ROR1: variants seen among roughly 807,000 people sequenced by gnomAD.
The protein encoded by ROR1 is inactive tyrosine-protein kinase transmembrane receptor ROR1.
Under a neutral mutation model 78.8 loss-of-function variants are expected in ROR1, and 19 were observed. The observed-to-expected ratio is 0.24, with a 90% CI of 0.17 to 0.35. The LOEUF (loss-of-function observed/expected upper bound fraction) is 0.35. Ranked by LOEUF, ROR1 falls within the 10% of genes least tolerant of loss-of-function variation. The pLI is 1.00. For missense variants in ROR1, 917 were observed against 1,177.8 expected (o/e 0.78, Z 3.24); for synonymous variants, 386 against 433.6 (o/e 0.89, Z 1.36).
chr1:64,125,664 A>G (rs566110745), intron 4 of ROR1, among the ~76,000 whole-genome samples: 1 of 152,240 alleles, frequency 6.6e-6, no homozygotes, highest in South Asian at 2.1e-4. Flanking sequence ...CCCGAAACTA[A>G]AAGACTAAAG....
intron 1 of ROR1, among the ~76,000 whole-genome samples, chr1:63,920,656 C>T (rs1248914267): frequency 6.6e-6 from 1 of 152,206 alleles, no homozygotes; most frequent in Non-Finnish European, 1.5e-5. Flanking sequence ...ACATAGTTTA[C>T]ATACCAACAC....
intron 1 of ROR1, among the ~76,000 whole-genome samples, chr1:63,993,142 A>C (rs1357041711): frequency 6.6e-6 from 1 of 152,104 alleles, no homozygotes; most frequent in Non-Finnish European, 1.5e-5. Flanking sequence ...CTACATTTCT[A>C]ATGTCTACTC....
chr1:64,102,787 A>C (rs1054301657), intron 4 of ROR1, among the ~76,000 whole-genome samples: 4 of 152,172 alleles, frequency 2.6e-5, no homozygotes, highest in Admixed American at 2.6e-4. Flanking sequence ...TAACCTTGAC[A>C]CTTGAACCTG....
intron 7 of ROR1, among the ~76,000 whole-genome samples, chr1:64,154,061 C>G (rs1649702858): frequency 6.6e-6 from 1 of 152,168 alleles, no homozygotes; most frequent in African/African-American, 2.4e-5. Flanking sequence ...GTTGCTCTCC[C>G]TAACTTATTG....
At chr1:63,958,328 A>C (rs908186043) in intron 1 of ROR1, among the ~76,000 whole-genome samples, 2 of 152,144 alleles carry the variant, frequency 1.3e-5, no homozygotes, top group East Asian at 3.9e-4. Flanking sequence ...GATACTCTCC[A>C]TGCCTCCTGT....
At chr1:63,969,929 T>G (rs1287331467) in intron 1 of ROR1, among the ~76,000 whole-genome samples, 1 of 152,152 alleles carries the variant, frequency 6.6e-6, no homozygotes. Flanking sequence ...TTCTCCAGTC[T>G]AATTACCTGC....
At chr1:63,880,302 A>C (rs554173518) in intron 1 of ROR1, among the ~76,000 whole-genome samples, 5 of 152,328 alleles carry the variant, frequency 3.3e-5, no homozygotes, top group African/African-American at 9.6e-5. Flanking sequence ...CCCTTTACTC[A>C]GAGCAAAATC....
intron 1 of ROR1, among the ~76,000 whole-genome samples, chr1:63,931,204 C>A (rs1645750014): frequency 6.6e-6 from 1 of 152,200 alleles, no homozygotes; most frequent in African/African-American, 2.4e-5. Context: ...ATCACTTGAA[C>A]CTGGGAGGCG....
chr1:63,993,424 C>T (rs1055251703), intron 1 of ROR1, among the ~76,000 whole-genome samples: 2 of 152,136 alleles, frequency 1.3e-5, no homozygotes, highest in Admixed American at 1.3e-4. Flanking sequence ...GACTTGAAAC[C>T]ACCAGTTCCC....
At chr1:63,897,516 C>T (rs1461445259) in intron 1 of ROR1, among the ~76,000 whole-genome samples, 1 of 152,120 alleles carries the variant, frequency 6.6e-6, no homozygotes, top group Admixed American at 6.5e-5. Flanking sequence ...CTGTTTTCCA[C>T]ATAAAGTTTC....
intron 1 of ROR1, chr1:63,843,220 C>T: frequency 6.7e-7 from 1 of 1,497,764 alleles, no homozygotes; most frequent in Non-Finnish European, 9.3e-7. Context: ...AGGGAGATGA[C>T]CGCACTGCCC....
In ROR1 at chr1:63,963,438, G is replaced by A. The variant is rs142427627; in HGVS notation, c.92-45867G>A. ...ACAAAAATTAGCCAGGCATGGTGGT[G>A]CACACCTGTAATCCCAGCTACTTGG... On this transcript the variant is annotated intron_variant, in intron 1 of 8. Coordinates refer to ENST00000371079, the MANE Select transcript of ROR1 (RefSeq NM_005012.4). Among the ~76,000 whole-genome samples, 433 of 151,990 alleles carry A rather than the reference G, an allele frequency of 2.8e-3. 2 individuals carry two copies. Among genetic ancestry groups the A allele is most frequent in the African/African-American group, 0.01 (420 of 41,464 alleles).
At chr1:63,933,092 CT>C (rs1209100470) in intron 1 of ROR1, among the ~76,000 whole-genome samples, 1 of 152,130 alleles carries the variant, frequency 6.6e-6, no homozygotes, top group Non-Finnish European at 1.5e-5. Flanking sequence ...AGAACTGACC[CT>C]CTTTTTAATT....
At chr1:63,986,264 TG>T (rs1646251138) in intron 1 of ROR1, among the ~76,000 whole-genome samples, 1 of 152,234 alleles carries the variant, frequency 6.6e-6, no homozygotes, top group South Asian at 2.1e-4. Context: ...TATGTCTTTC[TG>T]TATTTCTCTT....
In ROR1 at chr1:64,179,044, A is replaced by C. The variant is rs78994281; in HGVS notation, c.*189A>C. 2 of 540,100 alleles carry C rather than the reference A, an allele frequency of 3.7e-6. No homozygotes were observed. Among genetic ancestry groups the C allele is most frequent in the East Asian group, 3.2e-5 (1 of 31,448 alleles). 33.5% of individuals were successfully genotyped at this position (540,100 alleles called of 1,614,324 possible). On this transcript the variant is annotated 3_prime_UTR_variant, in exon 9 of 9. Coordinates refer to ENST00000371079, the MANE Select transcript of ROR1 (RefSeq NM_005012.4). The stretch of plus-strand genomic sequence containing the variant: ...GGCCAGAAAAAAAAAAAAAAAAAAA[A>C]AACAAGCAAACAAAAACATTGTGGG...
intron 1 of ROR1, among the ~76,000 whole-genome samples, chr1:63,967,280 A>G (rs529030700): frequency 7.9e-5 from 12 of 152,308 alleles, no homozygotes; most frequent in African/African-American, 2.9e-4. Flanking sequence ...AAATGACATC[A>G]TGAGAACCCA....
At chr1:64,085,711 A>T (rs567511747) in intron 4 of ROR1, among the ~76,000 whole-genome samples, 1 of 152,300 alleles carries the variant, frequency 6.6e-6, no homozygotes, top group South Asian at 2.1e-4. Flanking sequence ...GCTGCAGTGC[A>T]CAGAGCTTCC....
At chr1:63,855,525 G>C (rs1645142402) in intron 1 of ROR1, among the ~76,000 whole-genome samples, 1 of 152,020 alleles carries the variant, frequency 6.6e-6, no homozygotes, top group African/African-American at 2.4e-5. Flanking sequence ...ATTTTGGATA[G>C]TTTTGATTTT....
At chr1:63,868,345 G>A (rs1645229862) in intron 1 of ROR1, among the ~76,000 whole-genome samples, 1 of 152,144 alleles carries the variant, frequency 6.6e-6, no homozygotes, top group African/African-American at 2.4e-5. Context: ...TCAGGAATGA[G>A]TCGGGTCCTC....
Sources: allele counts gnomAD v4.1 joint callset (sites outside exome capture counted in the v4.1 genomes callset), GRCh38; gene constraint gnomAD v4.1.1; transcripts MANE v1.5; gene names NCBI Gene and HGNC (gene_info 2026-07-23, HGNC 2026-07-21).